The following UBE2N variants were observed in gnomAD, a reference collection of about 807,000 sequenced individuals.
UBE2N encodes ubiquitin conjugating enzyme E2 N.
For missense variants in UBE2N, 60 were observed against 192.1 expected, an observed-to-expected ratio of 0.31 and a Z score of 4.07; for synonymous variants, 70 against 69.2, an observed-to-expected ratio of 1.01 and a Z score of -0.06.
At chr12:93,429,433 C>A in intron 1 of UBE2N, 1 of 298,334 alleles carries the variant, frequency 3.4e-6, no homozygotes, top group Non-Finnish European at 6.5e-6. Context: ...GTATGAGTTT[C>A]AGTCAATGAT....
chr12:93,413,612 G>A (rs142025796), intron 1 of UBE2N, among the ~76,000 whole-genome samples: 1 of 152,148 alleles, frequency 6.6e-6, no homozygotes, highest in Non-Finnish European at 1.5e-5. Context: ...ATCAGTTACT[G>A]GCAAACCCAT....
At chr12:93,428,985 G>C (rs942982885) in intron 1 of UBE2N, among the ~76,000 whole-genome samples, 2 of 152,118 alleles carry the variant, frequency 1.3e-5, no homozygotes, top group Admixed American at 6.6e-5. Context: ...ATTTGAAAAA[G>C]TGTAGGCCAG....
intron 1 of UBE2N, among the ~76,000 whole-genome samples, chr12:93,440,076 A>C (rs923740975): frequency 1.3e-5 from 2 of 152,236 alleles, no homozygotes; most frequent in African/African-American, 2.4e-5. Context: ...CATAATCAAA[A>C]ATAGAAAAAT....
At chr12:93,433,174 C>T (rs1393865078) in intron 1 of UBE2N, among the ~76,000 whole-genome samples, 3 of 152,088 alleles carry the variant, frequency 2.0e-5, no homozygotes, top group Non-Finnish European at 4.4e-5. Flanking sequence ...ACCTTGTGAT[C>T]CTCCTGCCTC....
intron 1 of UBE2N, chr12:93,441,022 C>G (rs1879085458): frequency 6.6e-6 from 1 of 152,278 alleles, no homozygotes; most frequent in Non-Finnish European, 1.5e-5. Context: ...GGCCTCATAT[C>G]TACGAAAAAG....
Position 93,410,771 on chromosome 12 carries a change from C to T in UBE2N, c.381G>A (p.Glu127=). ...PDDPLANDVA[E]QWKTNEAQAI... is the part of the protein sequence containing the mutation. ...CTTGGGCTTCGTTGGTCTTCCACTGCTCCGCTACATCATTTGCTAATGGAT... is the reference window on the plus strand; with the variant it reads ...CTTGGGCTTCGTTGGTCTTCCACTGTTCCGCTACATCATTTGCTAATGGAT... Residue 127 remains glutamate (E), a synonymous_variant, in exon 3 of 4, where the codon GAG becomes GAA. Coordinates refer to ENST00000318066, the MANE Select transcript of UBE2N (RefSeq NM_003348.4). The T allele has an allele frequency of 6.2e-7, 1 of 1,614,186 alleles. No homozygotes were observed. Among genetic ancestry groups the T allele is most frequent in the Non-Finnish European group, 8.5e-7 (1 of 1,180,034 alleles).
chr12:93,438,327 A>C (rs554488934), intron 1 of UBE2N, among the ~76,000 whole-genome samples: 1 of 148,160 alleles, frequency 6.7e-6, no homozygotes, highest in Non-Finnish European at 1.5e-5. Flanking sequence ...GGGAGGAAAA[A>C]GGGAAACTGG....
At chr12:93,429,875 A>G (rs1419309114) in intron 1 of UBE2N, among the ~76,000 whole-genome samples, 6 of 152,228 alleles carry the variant, frequency 3.9e-5, no homozygotes, top group Non-Finnish European at 7.3e-5. Flanking sequence ...CTAAATGTTA[A>G]TACAAAAAAA....
rs75022647 is a variant in UBE2N, at chr12:93,425,122, C to T, written c.31-13823G>A. ...TCTGTTCTTTACATTCTAATCCTTC[C>T]AATTACCATAGAGCTAGATTAGTAT... On this transcript the variant is annotated intron_variant, in intron 1 of 3. Coordinates refer to ENST00000318066, the MANE Select transcript of UBE2N (RefSeq NM_003348.4). Among the ~76,000 whole-genome samples, 79 of 152,234 alleles carry T rather than the reference C, an allele frequency of 5.2e-4. 1 individual carries two copies. The East Asian group carries it at 0.013, about 26-fold the overall frequency.
At chr12:93,433,212 C>T (rs1406547489) in intron 1 of UBE2N, among the ~76,000 whole-genome samples, 2 of 152,040 alleles carry the variant, frequency 1.3e-5, no homozygotes, top group Admixed American at 6.6e-5. Flanking sequence ...GGATTACAGG[C>T]GTGAGCCACC....
At chr12:93,433,643 A>G (rs994224420) in intron 1 of UBE2N, among the ~76,000 whole-genome samples, 3 of 152,196 alleles carry the variant, frequency 2.0e-5, no homozygotes, top group African/African-American at 7.2e-5. Flanking sequence ...TTGTTTTTAG[A>G]AAGCAGCACT....
At position 93,408,021 on chromosome 12, in the gene UBE2N, G is replaced by C. The variant is rs1273082571; in HGVS notation, c.*2018C>G. ...TCACAAATTTAGCAGACATCATTTA[G>C]ACATTTTTGTAGTGCAACAGATTTA... is the stretch of plus-strand genomic sequence containing the variant. On this transcript the variant is annotated 3_prime_UTR_variant, in exon 4 of 4. Coordinates refer to ENST00000318066, the MANE Select transcript of UBE2N (RefSeq NM_003348.4). 6.6e-6 allele frequency: 1 copy of C among 152,212 alleles called. No homozygotes were observed. The highest frequency in any genetic ancestry group is 2.4e-5 in the African/African-American group (1 of 41,466). 9.4% of individuals were successfully genotyped at this position (152,212 alleles called of 1,614,324 possible).
chr12:93,422,294 T>C (rs914523897), intron 1 of UBE2N, among the ~76,000 whole-genome samples: 4 of 152,206 alleles, frequency 2.6e-5, no homozygotes, highest in African/African-American at 7.2e-5. Flanking sequence ...TAACACTTCA[T>C]TGCCTGAACT....
rs1877825755 is a variant in UBE2N, at chr12:93,406,482, A to AT, written c.*3556dup. 6.6e-6 allele frequency: 1 copy of AT among 151,946 alleles called. No individual in the cohort carries two copies. The highest frequency in any genetic ancestry group is 1.5e-5 in the Non-Finnish European group (1 of 67,986). The allele number at this position is 151,946 out of a possible 1,614,324, so 9.4% of individuals were successfully genotyped here. A position where few individuals can be genotyped will look rare whatever the true frequency, so the allele number is the denominator to read the frequency against. On this transcript the variant is annotated 3_prime_UTR_variant, in exon 4 of 4. Transcript: ENST00000318066. The stretch of plus-strand genomic sequence containing the variant: ...TATCTGTTGGTTTGTATTTAATCTT[A>AT]TTTTTAAGTGCTTCTTTGAAATTGT...
chr12:93,422,155 A>G (rs1034608081), intron 1 of UBE2N, among the ~76,000 whole-genome samples: 1 of 152,072 alleles, frequency 6.6e-6, no homozygotes, highest in African/African-American at 2.4e-5. Context: ...GGTGTCAACT[A>G]TTCCTTCATA....
intron 1 of UBE2N, among the ~76,000 whole-genome samples, chr12:93,433,007 T>C (rs1878817067): frequency 6.7e-6 from 1 of 150,098 alleles, no homozygotes; most frequent in Admixed American, 6.7e-5. Flanking sequence ...CTCCGCTCAC[T>C]GCAAGCTCTG....
intron 1 of UBE2N, among the ~76,000 whole-genome samples, chr12:93,417,157 G>A (rs1279688388): frequency 6.6e-6 from 1 of 152,166 alleles, no homozygotes; most frequent in African/African-American, 2.4e-5. Flanking sequence ...AAGTCTAAAG[G>A]AAGGTATCTC....
intron 1 of UBE2N, among the ~76,000 whole-genome samples, chr12:93,433,098 A>G (rs1247876465): frequency 6.6e-6 from 1 of 151,836 alleles, no homozygotes; most frequent in Admixed American, 6.6e-5. Flanking sequence ...ACGCCCAGCT[A>G]ATTTTTTTGT....
At chr12:93,440,271 T>C (rs1405612855) in intron 1 of UBE2N, among the ~76,000 whole-genome samples, 1 of 152,172 alleles carries the variant, frequency 6.6e-6, no homozygotes, top group Non-Finnish European at 1.5e-5. Context: ...ACCATGTGAC[T>C]GCATTATAAC....
Sources: gnomAD v4.1 joint callset for allele counts (sites outside exome capture counted in the v4.1 genomes callset) on GRCh38, gnomAD v4.1.1 for gene constraint, MANE v1.5 for transcripts, NCBI Gene and HGNC (gene_info 2026-07-23, HGNC 2026-07-21) for gene names.